PDE3A: variants seen among roughly 807,000 people sequenced by gnomAD.
The protein encoded by PDE3A is cGMP-inhibited 3',5'-cyclic phosphodiesterase 3A.
A neutral mutation model predicts 98.3 loss-of-function variants in PDE3A; 43 were observed. The ratio of observed to expected loss-of-function variants is 0.44; its 90% CI spans 0.34 to 0.56. PDE3A has a LOEUF of 0.56. Ranked by LOEUF, PDE3A falls within the 20% of genes least tolerant of loss-of-function variation. The pLI, the probability that PDE3A is intolerant of heterozygous loss-of-function variation, is 0.01. For synonymous variants in PDE3A, 663 were observed against 567.9 expected (o/e 1.17, Z -2.38); for missense variants, 1,427 against 1,440.7 (o/e 0.99, Z 0.15).
chr12:20,651,665 A>G lies in PDE3A; in HGVS notation c.2925+1065A>G, dbSNP rs558712033. Among the ~76,000 whole-genome samples the G allele has an allele frequency of 7.9e-5, 12 of 152,348 alleles. No individual in the cohort carries two copies. The South Asian group carries it at 2.1e-3, about 26-fold the overall frequency. On this transcript the variant is annotated intron_variant, in intron 14 of 15. Transcript: ENST00000359062. ...TATCCAAAAAATAGGCTGAGACACC[A>G]TATTAATGGTAATAAATTGACTGTC...
chr12:20,660,592 G>A (rs1945143704), intron 15 of PDE3A, among the ~76,000 whole-genome samples: 1 of 152,138 alleles, frequency 6.6e-6, no homozygotes, highest in Admixed American at 6.5e-5. Flanking sequence ...GTATCATCAT[G>A]GCAAGTCTTT....
At chr12:20,576,487 C>CT (rs1942934892) in intron 2 of PDE3A, among the ~76,000 whole-genome samples, 1 of 151,914 alleles carries the variant, frequency 6.6e-6, no homozygotes, top group South Asian at 2.1e-4. Context: ...CTATATACAA[C>CT]TAATTAAAAA....
chr12:20,571,333 G>T (rs1942797997), intron 2 of PDE3A, among the ~76,000 whole-genome samples: 1 of 152,072 alleles, frequency 6.6e-6, no homozygotes, highest in Non-Finnish European at 1.5e-5. Flanking sequence ...ATTGATACAG[G>T]TCTCTCTTCT....
chr12:20,498,660 C>T (rs6487097), intron 1 of PDE3A, among the ~76,000 whole-genome samples: 147,803 of 152,210 alleles, frequency 0.97, 71,784 homozygotes, highest in East Asian at 1. Context: ...ATTCTGTAAC[C>T]CTTTTCTGTA....
chr12:20,508,267 G>C (rs932247493), intron 1 of PDE3A, among the ~76,000 whole-genome samples: 2 of 151,754 alleles, frequency 1.3e-5, no homozygotes, highest in Non-Finnish European at 2.9e-5. Flanking sequence ...CCCTCCCGCA[G>C]GACTCCCATT....
intron 2 of PDE3A, among the ~76,000 whole-genome samples, chr12:20,559,019 T>C (rs1265092336): frequency 6.6e-6 from 1 of 152,156 alleles, no homozygotes; most frequent in Non-Finnish European, 1.5e-5. Flanking sequence ...AATACAGCAA[T>C]ATTTGTATAT....
chr12:20,682,258 C>T lies in PDE3A; in HGVS notation c.*1987C>T, dbSNP rs1382315645. 2 of 152,276 alleles carry T rather than the reference C, an allele frequency of 1.3e-5. No homozygotes were observed. The highest frequency in any genetic ancestry group is 2.4e-5 in the African/African-American group (1 of 41,566). 9.4% of individuals were successfully genotyped at this position (152,276 alleles called of 1,614,324 possible). On this transcript the variant is annotated 3_prime_UTR_variant, in exon 16 of 16. Coordinates refer to ENST00000359062, the MANE Select transcript of PDE3A (RefSeq NM_000921.5). ...TGATTCTTCCTTGAGTACTTATATA[C>T]AGACCTGCTCATTATCTAAACAATC... is the stretch of plus-strand genomic sequence containing the variant.
chr12:20,651,752 T>C (rs148432828), intron 14 of PDE3A, among the ~76,000 whole-genome samples: 59 of 123,196 alleles, frequency 4.8e-4, no homozygotes, highest in African/African-American at 1.8e-3. Context: ...GTAGGATTCA[T>C]ATATAGAATG....
intron 15 of PDE3A, among the ~76,000 whole-genome samples, chr12:20,666,768 A>G (rs931622389): frequency 6.6e-6 from 1 of 152,082 alleles, no homozygotes; most frequent in African/African-American, 2.4e-5. Flanking sequence ...TTAATATACT[A>G]ATTTCTTTTC....
At chr12:20,572,605 G>T (rs955093797) in intron 2 of PDE3A, among the ~76,000 whole-genome samples, 1 of 151,612 alleles carries the variant, frequency 6.6e-6, no homozygotes, top group Non-Finnish European at 1.5e-5. Flanking sequence ...TATTTTCCTC[G>T]TGGATTAGTA....
intron 1 of PDE3A, among the ~76,000 whole-genome samples, chr12:20,495,394 A>G (rs969408083): frequency 2.0e-4 from 31 of 152,320 alleles, no homozygotes; most frequent in African/African-American, 7.5e-4. Flanking sequence ...AGAATCATAC[A>G]AAGAAACAAC....
intron 2 of PDE3A, among the ~76,000 whole-genome samples, chr12:20,578,552 T>C (rs756669787): frequency 5.3e-5 from 8 of 151,720 alleles, no homozygotes; most frequent in Non-Finnish European, 1.2e-4. Flanking sequence ...ATCATCACAA[T>C]AAGCACTATC....
intron 1 of PDE3A, among the ~76,000 whole-genome samples, chr12:20,535,943 T>C (rs945925000): frequency 2.6e-5 from 4 of 152,076 alleles, no homozygotes; most frequent in African/African-American, 9.7e-5. Context: ...GAACTATAGT[T>C]TAAAATAACA....
intron 1 of PDE3A, among the ~76,000 whole-genome samples, chr12:20,435,325 C>G (rs1422021207): frequency 2.0e-5 from 3 of 152,148 alleles, no homozygotes; most frequent in African/African-American, 7.2e-5. Flanking sequence ...TGAATGAAAT[C>G]TTAGAATCTT....
chr12:20,445,449 T>A (rs1944938309), intron 1 of PDE3A, among the ~76,000 whole-genome samples: 1 of 152,188 alleles, frequency 6.6e-6, no homozygotes, highest in Admixed American at 6.5e-5. Context: ...TGAAAAACTT[T>A]CCCTCGGGAC....
At chr12:20,630,601 T>C (rs527453555) in intron 6 of PDE3A, among the ~76,000 whole-genome samples, 95 of 152,296 alleles carry the variant, frequency 6.2e-4, no homozygotes, top group Non-Finnish European at 1.2e-3. Flanking sequence ...TGGACTCAAA[T>C]AGTTCTCTGA....
At chr12:20,529,994 A>C (rs936636969) in intron 1 of PDE3A, among the ~76,000 whole-genome samples, 1 of 152,176 alleles carries the variant, frequency 6.6e-6, no homozygotes, top group African/African-American at 2.4e-5. Context: ...ACAAATTGTT[A>C]TGAGGACTAT....
At chr12:20,592,826 G>T (rs559695111) in intron 2 of PDE3A, among the ~76,000 whole-genome samples, 106 of 152,174 alleles carry the variant, frequency 7.0e-4, no homozygotes, top group African/African-American at 2.5e-3. Context: ...AAGGGGTGGG[G>T]GAGTCACACT....
intron 1 of PDE3A, 131 bp downstream of exon 1, chr12:20,370,375 T>A: frequency 1.6e-6 from 1 of 628,050 alleles, no homozygotes; most frequent in Non-Finnish European, 2.4e-6. Flanking sequence ...ACTTCAGAAT[T>A]AAGAAACTAG....
Sources: gnomAD v4.1 joint callset for allele counts (sites outside exome capture counted in the v4.1 genomes callset) on GRCh38, gnomAD v4.1.1 for gene constraint, MANE v1.5 for transcripts, NCBI Gene and HGNC (gene_info 2026-07-23, HGNC 2026-07-21) for gene names.